Variants in ATP7A observed in about 807,000 individuals in gnomAD.
The protein encoded by ATP7A is ATPase copper transporting alpha, also known as copper-transporting ATPase 1.
In ATP7A, 7 loss-of-function variants were observed where a neutral mutation model predicts 83.5. That is an observed-to-expected ratio of 0.08 (90% CI 0.05 to 0.16). The LOEUF (loss-of-function observed/expected upper bound fraction) is 0.16. Among genes scored for constraint, ATP7A ranks in the 10% least tolerant of loss-of-function variants. The pLI, the probability that ATP7A is intolerant of heterozygous loss-of-function variation, is 1.00. For synonymous variants in ATP7A, 354 were observed against 395.2 expected, an observed-to-expected ratio of 0.90 and a Z score of 1.24; for missense variants, 940 against 1,120.8, an observed-to-expected ratio of 0.84 and a Z score of 2.30.
At chrX:77,924,422 A>C (rs781825998) in intron 1 of ATP7A, 1 of 111,401 alleles carries the variant, frequency 9.0e-6, no homozygotes, top group Non-Finnish European at 1.9e-5. Context: ...TATGATTACA[A>C]ATCACTTGAA....
At chrX:78,010,097 A>G (rs1455987912) in intron 7 of ATP7A, among the ~76,000 whole-genome samples, 1 of 112,661 alleles carries the variant, frequency 8.9e-6, no homozygotes, top group African/African-American at 3.2e-5. Context: ...TCCTATTTGT[A>G]TAGATGACAT....
intron 1 of ATP7A, among the ~76,000 whole-genome samples, chrX:77,966,644 G>A (rs782642131): frequency 8.9e-6 from 1 of 111,809 alleles, no homozygotes; most frequent in East Asian, 2.8e-4. Flanking sequence ...GAGAGGAAAT[G>A]GGGAGTGTTG....
chrX:78,010,075 G>GT (rs2077806828), intron 7 of ATP7A, among the ~76,000 whole-genome samples: 1 of 112,342 alleles, frequency 8.9e-6, no homozygotes, highest in African/African-American at 3.2e-5. Flanking sequence ...CATTTTATTA[G>GT]TTCAGTTAAG....
chrX:77,943,655 A>G (rs1443447875), intron 1 of ATP7A, among the ~76,000 whole-genome samples: 1 of 112,495 alleles, frequency 8.9e-6, no homozygotes, highest in Non-Finnish European at 1.9e-5. Context: ...ATATAGAATT[A>G]CATAAAGTAA....
Position 78,046,350 on chromosome X carries a change from A to C in ATP7A, c.4283A>C (p.Gln1428Pro). The C allele has an allele frequency of 8.3e-7, 1 of 1,211,610 alleles. No homozygotes were observed. Reference sequence around the variant, plus strand: ...CTGCCTGCCCGGAGCCAGATAGGACAGAAGAGTCCTTCAGAAATCAGCGTT... The same window carrying C: ...CTGCCTGCCCGGAGCCAGATAGGACCGAAGAGTCCTTCAGAAATCAGCGTT... ...YELPARSQIGQKSPSEISVHV... is the reference protein window; with the variant it reads ...YELPARSQIGPKSPSEISVHV... Residue 1428 changes from glutamine to proline, a missense_variant, in exon 23 of 23, where the codon CAG becomes CCG. By Grantham distance (76) the Gln-to-Pro change is moderately conservative. Around this residue, in one of 3 missense-constraint regions of ATP7A, gnomAD observed 386 missense variants for 502.2 expected, o/e 0.77. Coordinates refer to ENST00000341514, the MANE Select transcript of ATP7A (RefSeq NM_000052.7).
At position 78,012,885 on chromosome X, in the gene ATP7A, G is replaced by A. The variant is rs72554644; in HGVS notation, c.2179G>A (p.Gly727Arg). The change falls in exon 10 of 23, where the codon GGA becomes AGA. Residue 727 changes from glycine (G) to arginine (R), a missense_variant. Coordinates refer to ENST00000341514, the MANE Select transcript of ATP7A (RefSeq NM_000052.7). The stretch of plus-strand genomic sequence containing the variant: ...TATCATTCCTATATTGCAGTTTTTC[G>A]GAGGCTGGTACTTCTACATTCAGGC... ...FLLCVPVQFF[G>R]GWYFYIQAYK... The A allele has an allele frequency of 8.3e-7, 1 of 1,208,602 alleles. No individual in the cohort carries two copies. Among genetic ancestry groups the A allele is most frequent in the Non-Finnish European group, 1.1e-6 (1 of 893,230 alleles).
chrX:78,021,136 A>G (rs2077903343), intron 14 of ATP7A, 57 bp downstream of exon 14: 9 of 1,094,587 alleles, frequency 8.2e-6, no homozygotes, highest in African/African-American at 1.8e-5. Context: ...AGTCTTTTGC[A>G]TTAGTAATTC....
intron 1 of ATP7A, among the ~76,000 whole-genome samples, chrX:77,929,938 C>T (rs1384919602): frequency 8.9e-6 from 1 of 111,976 alleles, no homozygotes; most frequent in African/African-American, 3.2e-5. Flanking sequence ...TCACAAAACT[C>T]CATTAATGTG....
At chrX:77,966,017 G>A (rs1327229863) in intron 1 of ATP7A, among the ~76,000 whole-genome samples, 1 of 112,275 alleles carries the variant, frequency 8.9e-6, no homozygotes, top group Non-Finnish European at 1.9e-5. Flanking sequence ...TAAGGGGTAT[G>A]TTTTGTTGTT....
intron 4 of ATP7A, among the ~76,000 whole-genome samples, chrX:77,991,728 A>G (rs1428226146): frequency 9.0e-6 from 1 of 111,000 alleles, no homozygotes; most frequent in African/African-American, 3.3e-5. Context: ...TGAGATTTTT[A>G]AATTAGAATC....
intron 4 of ATP7A, among the ~76,000 whole-genome samples, chrX:77,997,380 G>A (rs1357039758): frequency 8.9e-6 from 1 of 111,857 alleles, no homozygotes; most frequent in Non-Finnish European, 1.9e-5. Flanking sequence ...TATTTGAGAA[G>A]TCTACATTAT....
At chrX:78,037,329 T>C (rs1369917725) in intron 17 of ATP7A, among the ~76,000 whole-genome samples, 1 of 112,463 alleles carries the variant, frequency 8.9e-6, no homozygotes, top group Non-Finnish European at 1.9e-5. Flanking sequence ...TTAATTTACA[T>C]TTAATTTAAT....
chrX:77,934,029 A>G (rs1323311805), intron 1 of ATP7A, among the ~76,000 whole-genome samples: 1 of 112,125 alleles, frequency 8.9e-6, no homozygotes, highest in Non-Finnish European at 1.9e-5. Flanking sequence ...AAAGATTACT[A>G]TATACTATAT....
In ATP7A at chrX:78,042,800, G is replaced by C; in HGVS notation, c.4005+12G>C. The stretch of plus-strand genomic sequence containing the variant: ...TGGTTTTGATAAGGGTAAGTGCCAT[G>C]GCTTGACCTTTGAGGAGTATGAGAC... On this transcript the variant is annotated intron_variant, in intron 20 of 22. Transcript: ENST00000341514. 2 of 1,208,508 alleles carry C rather than the reference G, an allele frequency of 1.7e-6. No homozygotes were observed. The highest frequency in any genetic ancestry group is 2.2e-6 in the Non-Finnish European group (2 of 893,390).
intron 1 of ATP7A, among the ~76,000 whole-genome samples, chrX:77,970,095 T>A (rs782623288): frequency 2.7e-5 from 3 of 111,360 alleles, no homozygotes; most frequent in Non-Finnish European, 5.7e-5. Flanking sequence ...AACTTAGGTC[T>A]GAAGGAGCAG....
In ATP7A at chrX:78,040,465, A is replaced by C. The variant is rs1465967484; in HGVS notation, c.3659-126A>C. 12 of 829,645 alleles carry C rather than the reference A, an allele frequency of 1.4e-5. No individual in the cohort carries two copies. The East Asian group carries it at 3.5e-4, about 24-fold the overall frequency. 68.4% of individuals were successfully genotyped at this position (829,645 alleles called of 1,213,427 possible). A position where few individuals can be genotyped will look rare whatever the true frequency, so the allele number is the denominator to read the frequency against. On this transcript the variant is annotated intron_variant, in intron 18 of 22. Coordinates refer to ENST00000341514, the MANE Select transcript of ATP7A (RefSeq NM_000052.7). ...GTCTGTGTGGGCTTAGAGATATTTT[A>C]AGTTAAGCCATGCCCTGAACAACTT...
chrX:78,027,783 C>T (rs890803507), intron 14 of ATP7A, among the ~76,000 whole-genome samples: 17 of 110,590 alleles, frequency 1.5e-4, no homozygotes, highest in Non-Finnish European at 2.5e-4. Context: ...GAAATAAAAC[C>T]ACACACCTAC....
At chrX:77,968,498 C>A (rs1213753184) in intron 1 of ATP7A, among the ~76,000 whole-genome samples, 5 of 111,664 alleles carry the variant, frequency 4.5e-5, no homozygotes, top group African/African-American at 1.6e-4. Flanking sequence ...AGACTCTGCT[C>A]ATGGGGACAG....
chrX:78,034,807 A>G (rs111235173), intron 17 of ATP7A, among the ~76,000 whole-genome samples: 26,107 of 103,099 alleles, frequency 0.25, 2,724 homozygotes, highest in African/African-American at 0.34. Flanking sequence ...GCAGTGGTGC[A>G]ATCTCAGCTC....
Sources: gnomAD v4.1 joint callset for allele counts (sites outside exome capture counted in the v4.1 genomes callset) on GRCh38, gnomAD v4.1.1 for gene constraint, gnomAD v4.1.1 regional missense constraint, MANE v1.5 for transcripts, NCBI Gene and HGNC (gene_info 2026-07-23, HGNC 2026-07-21) for gene names.